The following CSMD1 variants were observed in gnomAD, a reference collection of about 807,000 sequenced individuals.
CSMD1 encodes CUB and Sushi multiple domains 1, also known as CUB and sushi domain-containing protein 1.
In CSMD1, 213 loss-of-function variants were observed where a neutral mutation model predicts 417.5. The ratio of observed to expected loss-of-function variants is 0.51; its 90% CI spans 0.46 to 0.57. The LOEUF (loss-of-function observed/expected upper bound fraction) is 0.57, where lower values mean the gene tolerates loss of function less well. CSMD1 is among the 20% of genes least tolerant of loss of function. The pLI is 0.00. For missense variants in CSMD1, 6,923 were observed against 4,529.7 expected (o/e 1.53, Z -15.17); for synonymous variants, 2,862 against 1,736.8 (o/e 1.65, Z -16.11).
In CSMD1 at chr8:3,411,982, GTA is replaced by G. The variant is rs1297378164; in HGVS notation, c.1562-2379_1562-2378del. On this transcript the variant is annotated intron_variant, in intron 12 of 69. Transcript: ENST00000635120. ...CGTATATATGCACGTATATATACAC[GTA>G]TATATACGTGTATATACACGTATAT... Among the ~76,000 whole-genome samples the G allele has an allele frequency of 3.9e-3, 126 of 32,468 alleles. 24 individuals carry two copies. Among genetic ancestry groups the G allele is most frequent in the African/African-American group, 0.012 (97 of 8,150 alleles). 21.3% of individuals were successfully genotyped at this position (32,468 alleles called of 152,430 possible).
intron 3 of CSMD1, among the ~76,000 whole-genome samples, chr8:4,051,812 G>A (rs1047133824): frequency 6.6e-6 from 1 of 151,910 alleles, no homozygotes; most frequent in Non-Finnish European, 1.5e-5. Context: ...AATACTGACA[G>A]TTTTCTTCTC....
At chr8:3,519,925 T>C (rs558853411) in intron 10 of CSMD1, among the ~76,000 whole-genome samples, 1 of 151,908 alleles carries the variant, frequency 6.6e-6, no homozygotes, top group Non-Finnish European at 1.5e-5. Context: ...TTTACTTTTA[T>C]AAACTCAACG....
At chr8:4,539,174 T>G (rs146297879) in intron 2 of CSMD1, among the ~76,000 whole-genome samples, 176 of 152,326 alleles carry the variant, frequency 1.2e-3, no homozygotes, top group South Asian at 9.1e-3. Context: ...AACACACAAT[T>G]TGAATTATTT....
intron 2 of CSMD1, among the ~76,000 whole-genome samples, chr8:4,537,992 G>A (rs942475533): frequency 1.3e-5 from 2 of 152,126 alleles, no homozygotes; most frequent in African/African-American, 4.8e-5. Context: ...CAGACACCAT[G>A]CTCTGCGTCA....
At chr8:4,736,765 T>C (rs553283840) in intron 1 of CSMD1, among the ~76,000 whole-genome samples, 22 of 152,320 alleles carry the variant, frequency 1.4e-4, no homozygotes, top group Non-Finnish European at 2.9e-4. Context: ...GGTTTCATGT[T>C]TGTGTCCCCA....
chr8:3,335,859 G>C (rs567616427), intron 23 of CSMD1, among the ~76,000 whole-genome samples: 1 of 152,258 alleles, frequency 6.6e-6, no homozygotes, highest in South Asian at 2.1e-4. Flanking sequence ...GGCTCAGAGA[G>C]GTGAATTCAT....
At chr8:3,444,985 C>T (rs1208848787) in intron 12 of CSMD1, among the ~76,000 whole-genome samples, 1 of 152,204 alleles carries the variant, frequency 6.6e-6, no homozygotes, top group African/African-American at 2.4e-5. Context: ...AAAACTCAAA[C>T]TCGAACCTGT....
intron 3 of CSMD1, among the ~76,000 whole-genome samples, chr8:4,317,229 G>T (rs1398944130): frequency 1.3e-5 from 2 of 151,744 alleles, no homozygotes; most frequent in African/African-American, 2.4e-5. Flanking sequence ...ATCTGGTAAG[G>T]TAGGCAGGGA....
At chr8:4,842,389 T>C (rs1223791831) in intron 1 of CSMD1, among the ~76,000 whole-genome samples, 2 of 152,262 alleles carry the variant, frequency 1.3e-5, no homozygotes, top group Non-Finnish European at 2.9e-5. Flanking sequence ...TTTATTCCCC[T>C]TTTGCAATCT....
chr8:4,343,846 G>C (rs1014760), intron 3 of CSMD1, among the ~76,000 whole-genome samples: 127,706 of 152,130 alleles, frequency 0.84, 53,882 homozygotes, highest in African/African-American at 0.92. Flanking sequence ...TGTTTTTCTC[G>C]TACATCTCCT....
chr8:3,063,775 T>C (rs10097008), intron 49 of CSMD1, among the ~76,000 whole-genome samples: 6,135 of 152,168 alleles, frequency 0.04, 427 homozygotes, highest in African/African-American at 0.14. Flanking sequence ...CCTAGAGTAG[T>C]TGAATTCAGA....
At chr8:3,300,862 G>C (rs1437999512) in intron 25 of CSMD1, among the ~76,000 whole-genome samples, 1 of 150,556 alleles carries the variant, frequency 6.6e-6, no homozygotes, top group African/African-American at 2.4e-5. Context: ...AGGACACTGA[G>C]GCAGGAGAAT....
chr8:3,259,301 T>C (rs770951455), intron 26 of CSMD1, among the ~76,000 whole-genome samples: 2 of 152,186 alleles, frequency 1.3e-5, no homozygotes, highest in Non-Finnish European at 2.9e-5. Flanking sequence ...CTCATGGATT[T>C]CTAGTTAGCA....
At chr8:4,847,753 T>A (rs1328254133) in intron 1 of CSMD1, among the ~76,000 whole-genome samples, 1 of 151,820 alleles carries the variant, frequency 6.6e-6, no homozygotes, top group African/African-American at 2.4e-5. Context: ...GGTCAGGTCT[T>A]CTATAGAATT....
At chr8:3,245,243 C>G (rs1427531948) in intron 26 of CSMD1, among the ~76,000 whole-genome samples, 2 of 152,188 alleles carry the variant, frequency 1.3e-5, no homozygotes, top group African/African-American at 2.4e-5. Context: ...CTGTCCACAG[C>G]AAACATTCAT....
In CSMD1 at chr8:3,826,218, T is replaced by C. The variant is rs571932442; in HGVS notation, c.819-72176A>G. ...GCCTTCACGGTGGAGCTGGACACAG[T>C]TGCTAGAAAGATGAAGTGATGCATC... is the stretch of plus-strand genomic sequence containing the variant. On this transcript the variant is annotated intron_variant, in intron 5 of 69. Transcript: ENST00000635120. Among the ~76,000 whole-genome samples, 9 of 152,230 alleles carry C rather than the reference T, an allele frequency of 5.9e-5. No individual in the cohort carries two copies. The South Asian group carries it at 1.7e-3, about 28-fold the overall frequency.
At chr8:4,014,175 C>G (rs1413538758) in intron 4 of CSMD1, among the ~76,000 whole-genome samples, 2 of 152,090 alleles carry the variant, frequency 1.3e-5, no homozygotes, top group African/African-American at 4.8e-5. Flanking sequence ...ATTAGAAATG[C>G]ATTCATTAAG....
At chr8:3,979,341 C>G (rs962091422) in intron 5 of CSMD1, among the ~76,000 whole-genome samples, 1 of 152,196 alleles carries the variant, frequency 6.6e-6, no homozygotes, top group Admixed American at 6.5e-5. Context: ...GTTGTGATGG[C>G]TGTTCTAAGG....
intron 1 of CSMD1, among the ~76,000 whole-genome samples, chr8:4,654,638 G>T (rs543582568): frequency 6.6e-6 from 1 of 152,124 alleles, no homozygotes; most frequent in African/African-American, 2.4e-5. Flanking sequence ...AATGGTTGAA[G>T]TCAGCTTAGA....
Sources: gnomAD v4.1 joint callset for allele counts (sites outside exome capture counted in the v4.1 genomes callset) on GRCh38, gnomAD v4.1.1 for gene constraint, MANE v1.5 for transcripts, NCBI Gene and HGNC (gene_info 2026-07-23, HGNC 2026-07-21) for gene names.